The following SUGCT variants were observed in gnomAD, a reference collection of about 807,000 sequenced individuals.
The protein encoded by SUGCT is succinyl-CoA:glutarate CoA-transferase.
A neutral mutation model predicts 55.0 loss-of-function variants in SUGCT; 41 were observed. The observed-to-expected ratio is 0.74, with a 90% CI of 0.58 to 0.97. The LOEUF is 0.97. Among genes scored for constraint, SUGCT ranks in the 50% least tolerant of loss-of-function variants. The probability of loss-of-function intolerance (pLI) is 0.00; values close to 1 mark genes in which losing one functional copy is unlikely to be tolerated. For missense variants in SUGCT, 568 were observed against 547.8 expected (o/e 1.04, Z -0.37); for synonymous variants, 187 against 200.4 (o/e 0.93, Z 0.56).
At chr7:40,272,722 C>T (rs926430261) in intron 7 of SUGCT, among the ~76,000 whole-genome samples, 7 of 149,798 alleles carry the variant, frequency 4.7e-5, no homozygotes, top group Non-Finnish European at 7.4e-5. Flanking sequence ...TGCAGTGGCA[C>T]GATCTCAGCT....
chr7:41,027,121 G>T, the SUGCT span, among the ~76,000 whole-genome samples: 3 of 152,302 alleles, frequency 2.0e-5, no homozygotes, highest in Admixed American at 2.0e-4. Flanking sequence ...AATGGTTAAT[G>T]CATACATTCT....
intron 9 of SUGCT, among the ~76,000 whole-genome samples, chr7:40,415,953 C>T (rs936349577): frequency 2.0e-5 from 3 of 151,920 alleles, no homozygotes; most frequent in Admixed American, 6.6e-5. Context: ...ATTTATACTT[C>T]CATATGAACA....
chr7:40,531,220 A>G (rs774620475), intron 12 of SUGCT, among the ~76,000 whole-genome samples: 9 of 152,206 alleles, frequency 5.9e-5, no homozygotes, highest in South Asian at 2.1e-4. Flanking sequence ...AAGGCTGAAA[A>G]GTAGGATTTA....
At chr7:40,813,534 C>T (rs560776435) in intron 13 of SUGCT, among the ~76,000 whole-genome samples, 1 of 152,150 alleles carries the variant, frequency 6.6e-6, no homozygotes, top group East Asian at 1.9e-4. Context: ...TGGGAAGCAA[C>T]TTGTGCTCTC....
At chr7:40,422,162 T>TA (rs779358652) in intron 9 of SUGCT, among the ~76,000 whole-genome samples, 1 of 151,496 alleles carries the variant, frequency 6.6e-6, no homozygotes, top group Non-Finnish European at 1.5e-5. Flanking sequence ...CTTAAATTTG[T>TA]AATATAAGCT....
At chr7:40,240,395 A>ATCACTTT (rs1372079000) in intron 7 of SUGCT, among the ~76,000 whole-genome samples, 1 of 152,120 alleles carries the variant, frequency 6.6e-6, no homozygotes, top group Non-Finnish European at 1.5e-5. Context: ...AGGCAGGAGA[A>ATCACTTT]TCACTTGAAC....
At chr7:40,924,294 G>GTGTGTGTGTGTA in the SUGCT span, among the ~76,000 whole-genome samples, 3 of 151,912 alleles carry the variant, frequency 2.0e-5, no homozygotes, top group African/African-American at 7.3e-5. Flanking sequence ...GTGTGTGTGT[G>GTGTGTGTGTGTA]TAGTGGCATG....
intron 13 of SUGCT, among the ~76,000 whole-genome samples, chr7:40,850,434 T>C (rs1381390981): frequency 1.3e-5 from 2 of 152,198 alleles, no homozygotes; most frequent in African/African-American, 2.4e-5. Flanking sequence ...GCATGTTAAA[T>C]GAGTGAAAGA....
chr7:40,414,554 G>T lies in SUGCT; in HGVS notation c.817-34733G>T, dbSNP rs148579625. ...ACATTTTTAACAACAATGTATCAAA[G>T]TGCCCCTGCCCTACATCTAATTTTC... On this transcript the variant is annotated intron_variant, in intron 9 of 13. Transcript: ENST00000335693. 9.0e-3 allele frequency among the ~76,000 whole-genome samples: 1,361 copies of T among 152,052 alleles called. 13 individuals are homozygous for T. The highest frequency in any genetic ancestry group is 0.035 in the South Asian group (167 of 4,822).
intron 9 of SUGCT, among the ~76,000 whole-genome samples, chr7:40,413,936 C>A (rs1786830648): frequency 6.6e-6 from 1 of 152,146 alleles, no homozygotes; most frequent in African/African-American, 2.4e-5. Flanking sequence ...AAGTGTCTTT[C>A]CATGACTGCA....
chr7:40,585,566 T>A (rs1797330374), intron 12 of SUGCT, among the ~76,000 whole-genome samples: 4 of 152,292 alleles, frequency 2.6e-5, no homozygotes, highest in African/African-American at 9.6e-5. Context: ...AGAGGCGAGA[T>A]CTTGATATGT....
intron 1 of SUGCT, among the ~76,000 whole-genome samples, chr7:40,170,645 T>TA (rs1469388437): frequency 6.6e-6 from 1 of 151,628 alleles, no homozygotes; most frequent in East Asian, 1.9e-4. Context: ...TCGGATTAGT[T>TA]ACGCTCACCG....
intron 12 of SUGCT, among the ~76,000 whole-genome samples, chr7:40,722,095 T>C (rs1786369514): frequency 6.6e-6 from 1 of 152,148 alleles, no homozygotes; most frequent in South Asian, 2.1e-4. Flanking sequence ...CGTCTTTGAA[T>C]GATTTCGTCC....
intron 11 of SUGCT, among the ~76,000 whole-genome samples, chr7:40,470,693 C>T (rs940733368): frequency 1.3e-4 from 19 of 151,814 alleles, no homozygotes; most frequent in African/African-American, 4.8e-5. Context: ...TTTTCTCTAA[C>T]TACACATTTT....
At chr7:40,363,538 A>T (rs1368022215) in intron 9 of SUGCT, among the ~76,000 whole-genome samples, 1 of 152,196 alleles carries the variant, frequency 6.6e-6, no homozygotes, top group African/African-American at 2.4e-5. Flanking sequence ...GTTTCAAAGA[A>T]CATCTTTATT....
intron 13 of SUGCT, among the ~76,000 whole-genome samples, chr7:40,763,791 C>A (rs931329880): frequency 2.6e-5 from 4 of 152,150 alleles, no homozygotes; most frequent in South Asian, 2.1e-4. Flanking sequence ...TGTGTTATTT[C>A]TTCCCTTCAC....
chr7:40,150,126 G>A (rs78746627), intron 1 of SUGCT, among the ~76,000 whole-genome samples: 12,420 of 152,086 alleles, frequency 0.082, 1,618 homozygotes, highest in African/African-American at 0.28. Flanking sequence ...TCATGCGGCC[G>A]GAGGCTACAA....
the SUGCT span, among the ~76,000 whole-genome samples, chr7:40,893,376 A>C: frequency 1.3e-5 from 2 of 152,188 alleles, no homozygotes; most frequent in Non-Finnish European, 2.9e-5. Flanking sequence ...TCAGGAGCAG[A>C]ATACATATTC....
At chr7:40,757,914 T>G (rs945034276) in intron 13 of SUGCT, among the ~76,000 whole-genome samples, 1 of 152,204 alleles carries the variant, frequency 6.6e-6, no homozygotes, top group Non-Finnish European at 1.5e-5. Context: ...TGGATCAACT[T>G]TAAGTACTGA....
Sources: gnomAD v4.1 joint callset for allele counts (sites outside exome capture counted in the v4.1 genomes callset) on GRCh38, gnomAD v4.1.1 for gene constraint, MANE v1.5 for transcripts, NCBI Gene and HGNC (gene_info 2026-07-23, HGNC 2026-07-21) for gene names.